LILRB1: variants seen among roughly 807,000 people sequenced by gnomAD.
The protein encoded by LILRB1 is leukocyte immunoglobulin like receptor B1, also known as leukocyte immunoglobulin-like receptor subfamily B member 1.
Under a neutral mutation model 74.6 loss-of-function variants are expected in LILRB1, and 59 were observed. That is an observed-to-expected ratio of 0.79 (90% confidence interval 0.64 to 0.98). The LOEUF (loss-of-function observed/expected upper bound fraction) is 0.98. Among genes scored for constraint, LILRB1 ranks in the 50% least tolerant of loss-of-function variants. The probability of loss-of-function intolerance (pLI) is 0.00; values close to 1 mark genes in which losing one functional copy is unlikely to be tolerated. For synonymous variants in LILRB1, 328 were observed against 333.9 expected (o/e 0.98, Z 0.19); for missense variants, 804 against 822.6 (o/e 0.98, Z 0.28).
rs372574928 is a variant in LILRB1 at position 54,631,987 on chromosome 19, A to G, written c.411A>G (p.Ser137=). ...LSAQPSPVVN[S]GGNVTLQCDS... is the part of the protein sequence containing the mutation. ...CCCAGCCCAGCCCCGTGGTGAACTC[A>G]GGAGGGAATGTAACCCTCCAGTGTG... The change falls in exon 5 of 15, where the codon TCA becomes TCG. Residue 137 remains serine (S), a synonymous_variant. Coordinates refer to ENST00000324602, the MANE Select transcript of LILRB1 (RefSeq NM_001081637.3). The G allele has an allele frequency of 6.2e-7, 1 of 1,614,144 alleles. No homozygotes were observed. The highest frequency in any genetic ancestry group is 1.3e-5 in the African/African-American group (1 of 75,076).
intron 6 of LILRB1, 66 bp downstream of exon 6, chr19:54,632,826 G>T (rs1415188084): frequency 1.3e-6 from 2 of 1,574,972 alleles, no homozygotes; most frequent in Non-Finnish European, 1.7e-6. Flanking sequence ...GGGAGCTCAG[G>T]TAGTGATGGC....
rs758443923 is a variant in LILRB1, at chr19:54,635,095, T to C, written c.1487-9T>C. On this transcript the variant is annotated splice_polypyrimidine_tract_variant and intron_variant, in intron 10 of 14. Transcript: ENST00000324602. ...TCCCAGGGCTGAGGCTCTGTCCTTC[T>C]TCCCCCAGCCCAGAGAAAGGCTGAT... 15 of 1,543,914 alleles carry C rather than the reference T, an allele frequency of 9.7e-6. No homozygotes were observed. In the African/African-American group the frequency reaches 1.6e-4, roughly 17 times the overall value.
intron 1 of LILRB1, among the ~76,000 whole-genome samples, chr19:54,624,297 G>A (rs1421468856): frequency 1.3e-5 from 2 of 152,162 alleles, no homozygotes; most frequent in African/African-American, 2.4e-5. Flanking sequence ...AGGGAGGAAC[G>A]TTGTCTGTCT....
intron 1 of LILRB1, among the ~76,000 whole-genome samples, chr19:54,619,220 G>A (rs10412769): frequency 0.017 from 2,651 of 152,138 alleles, 88 homozygotes; most frequent in African/African-American, 0.06. Context: ...CTTATGTAGT[G>A]AATTTTTGTC....
At position 54,632,582 on chromosome 19, in the gene LILRB1, C is replaced by G. The variant is rs371764929; in HGVS notation, c.780C>G (p.Asp260Glu). The G allele has an allele frequency of 2.9e-4, 465 of 1,614,034 alleles. 5 individuals are homozygous for G. Among genetic ancestry groups the G allele is most frequent in the Middle Eastern group, 1.8e-3 (11 of 6,058 alleles). ...ACAACAGATTTGTTCTGTATAAGGA[C>G]GGGGAACGTGACTTCCTTCAGCTCG... The part of the protein sequence containing the change: ...AGYNRFVLYK[D>E]GERDFLQLAG... Residue 260 changes from aspartate (D) to glutamate (E), a missense_variant, in exon 6 of 15, where the codon GAC (aspartate) becomes GAG (glutamate). Physicochemically the swap from Asp to Glu is conservative, Grantham distance 45. Coordinates refer to ENST00000324602, the MANE Select transcript of LILRB1 (RefSeq NM_001081637.3).
rs1320256884 is a variant in LILRB1 at position 54,637,149 on chromosome 19, A to G, written c.*271A>G. 6.8e-6 allele frequency: 3 copies of G among 441,790 alleles called. No individual in the cohort carries two copies. Among genetic ancestry groups the G allele is most frequent in the South Asian group, 9.7e-5 (2 of 20,540 alleles). The allele number at this position is 441,790 out of a possible 1,614,324, so 27.4% of individuals were successfully genotyped here. ...ATCACAATGTAAATATTACACATCA[A>G]GCGATGAAACTGGAAAACTACAAGC... On this transcript the variant is annotated 3_prime_UTR_variant, in exon 15 of 15. Transcript: ENST00000324602.
chr19:54,617,720 A>AT (rs1422418268), intron 1 of LILRB1, among the ~76,000 whole-genome samples: 5 of 151,968 alleles, frequency 3.3e-5, no homozygotes, highest in African/African-American at 7.3e-5. Context: ...AGTTTTGCTG[A>AT]TTTTTTCTCC....
At position 54,631,033 on chromosome 19, in the gene LILRB1, G is replaced by C. The variant is rs1278341364; in HGVS notation, c.-41G>C. 1.5e-5 allele frequency: 25 copies of C among 1,614,240 alleles called. No homozygotes were observed. The highest frequency in any genetic ancestry group is 2.0e-5 in the Non-Finnish European group (24 of 1,180,048). ...GTCTCTCTATCCTGCCAGCACCGAG[G>C]GCTCATCCATCCACAGAGCAGGGCA... On this transcript the variant is annotated 5_prime_UTR_variant, in exon 2 of 15. Transcript: ENST00000324602.
chr19:54,631,336 C>G, intron 3 of LILRB1, 30 bp downstream of exon 3: 5 of 1,613,426 alleles, frequency 3.1e-6, no homozygotes, highest in Non-Finnish European at 4.2e-6. Flanking sequence ...TTCCAGGTCC[C>G]TCCTCCTCAC....
At chr19:54,628,343 G>A (rs192546376), upstream of LILRB1, among the ~76,000 whole-genome samples, 93 of 152,284 alleles carry the variant, frequency 6.1e-4, no homozygotes, top group African/African-American at 2.1e-3. Flanking sequence ...AGATATTTGA[G>A]AATGTTAGCA....
upstream of LILRB1, among the ~76,000 whole-genome samples, chr19:54,629,528 T>G (rs1459080141): frequency 6.6e-6 from 1 of 152,160 alleles, no homozygotes; most frequent in Non-Finnish European, 1.5e-5. Context: ...ATGAACACCC[T>G]GGTGTTTAGT....
intron 13 of LILRB1, 59 bp downstream of exon 13, chr19:54,635,668 C>T: frequency 6.4e-7 from 1 of 1,573,950 alleles, no homozygotes; most frequent in Non-Finnish European, 8.7e-7. Flanking sequence ...TCTAATCCTG[C>T]AGAACTTCTC....
chr19:54,622,256 T>C (rs2063476601), intron 1 of LILRB1, among the ~76,000 whole-genome samples: 1 of 152,220 alleles, frequency 6.6e-6, no homozygotes, highest in Admixed American at 6.5e-5. Context: ...AGGAATTGTG[T>C]TGAATCTGTA....
In LILRB1 at chr19:54,637,544, A is replaced by G. The variant is rs948862909; in HGVS notation, c.*666A>G. On this transcript the variant is annotated 3_prime_UTR_variant, in exon 15 of 15. Transcript: ENST00000324602. ...ATCTCAAATTAAAAAAAAAAAAAAA[A>G]AAGAAAGAAAAAGAGAAAAAAGAAA... 3 of 151,502 alleles carry G rather than the reference A, an allele frequency of 2.0e-5. No homozygotes were observed. Among genetic ancestry groups the G allele is most frequent in the African/African-American group, 4.8e-5 (2 of 41,278 alleles). The allele number at this position is 151,502 out of a possible 1,614,324, so 9.4% of individuals were successfully genotyped here. A position where few individuals can be genotyped will look rare whatever the true frequency, so the allele number is the denominator to read the frequency against.
exon 1 of LILRB1, chr19:54,617,253 C>A (rs75378196): frequency 2.6e-5 from 4 of 152,200 alleles, no homozygotes; most frequent in African/African-American, 7.2e-5. Flanking sequence ...AGAAGAGTGA[C>A]CCCCTTGTGG....
rs143986934 is a variant in LILRB1 at position 54,635,754 on chromosome 19, C to T, written c.1653+145C>T. On this transcript the variant is annotated intron_variant, in intron 13 of 14. Coordinates refer to ENST00000324602, the MANE Select transcript of LILRB1 (RefSeq NM_001081637.3). ...CCAGCACGCTGCCTCCCGCCTGCTG[C>T]GACCTCACTCTCTCCTGCTGTCCTG... 2,179 of 957,192 alleles carry T rather than the reference C, an allele frequency of 2.3e-3. 19 individuals are homozygous for T. The highest frequency in any genetic ancestry group is 0.02 in the African/African-American group (1,210 of 61,794). The allele number at this position is 957,192 out of a possible 1,614,324, so 59.3% of individuals were successfully genotyped here. A position where few individuals can be genotyped will look rare whatever the true frequency, so the allele number is the denominator to read the frequency against.
rs1457630236 is a variant in LILRB1 at position 54,637,093 on chromosome 19, G to A, written c.*215G>A. ...TCTCAATAATCAATGAAGTAGCTGA[G>A]AAAACTAAGTCAGAAAGTGCATTAA... On this transcript the variant is annotated 3_prime_UTR_variant, in exon 15 of 15. Coordinates refer to ENST00000324602, the MANE Select transcript of LILRB1 (RefSeq NM_001081637.3). The A allele has an allele frequency of 3.5e-6, 2 of 571,448 alleles. No individual in the cohort carries two copies. The highest frequency in any genetic ancestry group is 2.8e-5 in the East Asian group (1 of 35,424). The allele number at this position is 571,448 out of a possible 1,614,324, so 35.4% of individuals were successfully genotyped here. A position where few individuals can be genotyped will look rare whatever the true frequency, so the allele number is the denominator to read the frequency against.
upstream of LILRB1, among the ~76,000 whole-genome samples, chr19:54,630,255 A>T (rs148306141): frequency 2.5e-4 from 38 of 152,366 alleles, no homozygotes; most frequent in South Asian, 4.1e-3. Context: ...CTCAAATATA[A>T]GTCATTGTTC....
chr19:54,634,177 G>C lies in LILRB1; in HGVS notation c.1363+156G>C, dbSNP rs934863405. 7.3e-6 allele frequency: 11 copies of C among 1,504,334 alleles called. 1 individual carries two copies. The East Asian group carries it at 2.2e-4, about 30-fold the overall frequency. The allele number at this position is 1,504,334 out of a possible 1,614,324, so 93.2% of individuals were successfully genotyped here. On this transcript the variant is annotated intron_variant, in intron 9 of 14. Coordinates refer to ENST00000324602, the MANE Select transcript of LILRB1 (RefSeq NM_001081637.3). ...CCAAATGTAAAGGTGAGAGGCCTGC[G>C]GGTGGGAAAGTTCCTTTCAGCTCTG...
Sources: gnomAD v4.1 joint callset for allele counts (sites outside exome capture counted in the v4.1 genomes callset) on GRCh38, gnomAD v4.1.1 for gene constraint, MANE v1.5 for transcripts, NCBI Gene and HGNC (gene_info 2026-07-23, HGNC 2026-07-21) for gene names.